The following NCK1 variants were observed in gnomAD, a reference collection of about 807,000 sequenced individuals.
NCK1 encodes SH2/SH3 adapter protein NCK1.
A neutral mutation model predicts 36.6 loss-of-function variants in NCK1; 19 were observed. The observed-to-expected ratio is 0.52, with a 90% CI of 0.36 to 0.76. The LOEUF (loss-of-function observed/expected upper bound fraction) is 0.76. NCK1 is among the 30% of genes least tolerant of loss of function. The pLI, the probability that NCK1 is intolerant of heterozygous loss-of-function variation, is 0.00. For missense variants in NCK1, 358 were observed against 445.6 expected (o/e 0.80, Z 1.77); for synonymous variants, 165 against 156.0 (o/e 1.06, Z -0.43).
chr3:136,921,489 G>A (rs1335810408), intron 1 of NCK1, among the ~76,000 whole-genome samples: 1 of 152,140 alleles, frequency 6.6e-6, no homozygotes, highest in Non-Finnish European at 1.5e-5. Flanking sequence ...GGGCTTGAGT[G>A]GTGTTTATAT....
intron 1 of NCK1, among the ~76,000 whole-genome samples, chr3:136,888,871 TTTTG>T (rs1939148562): frequency 6.6e-6 from 1 of 151,760 alleles, no homozygotes; most frequent in African/African-American, 2.4e-5. Flanking sequence ...TTGTTGTTTG[TTTTG>T]TTTTTTTCTT....
chr3:136,947,061 T>G (rs996181239), intron 3 of NCK1: 1 of 152,180 alleles, frequency 6.6e-6, no homozygotes, highest in Non-Finnish European at 1.5e-5. Flanking sequence ...GTGAGTATAT[T>G]TGTACAAAAG....
chr3:136,902,894 G>A (rs1939581603), intron 1 of NCK1, among the ~76,000 whole-genome samples: 1 of 152,188 alleles, frequency 6.6e-6, no homozygotes, highest in Admixed American at 6.5e-5. Context: ...AAATCAATAT[G>A]CATCCACCTG....
intron 2 of NCK1, among the ~76,000 whole-genome samples, chr3:136,938,609 A>G (rs929213702): frequency 6.6e-6 from 1 of 152,238 alleles, no homozygotes; most frequent in Non-Finnish European, 1.5e-5. Flanking sequence ...CCTAGAGTTC[A>G]TAAACACAAG....
At chr3:136,922,306 C>T (rs533429306) in intron 1 of NCK1, among the ~76,000 whole-genome samples, 1 of 152,216 alleles carries the variant, frequency 6.6e-6, no homozygotes, top group South Asian at 2.1e-4. Context: ...GTTCTCAGGT[C>T]CTTGGGAAGA....
intron 1 of NCK1, among the ~76,000 whole-genome samples, chr3:136,862,862 C>G (rs911494815): frequency 7.6e-6 from 1 of 131,472 alleles, no homozygotes; most frequent in Non-Finnish European, 1.6e-5. Context: ...CCTCTCCCCT[C>G]CCCCCACCCA....
At position 136,874,422 on chromosome 3, in the gene NCK1, C is replaced by A. The variant is rs144592589; in HGVS notation, c.-19+12069C>A. Among the ~76,000 whole-genome samples the A allele has an allele frequency of 9.0e-3, 1,378 of 152,298 alleles. 23 individuals carry two copies. Among genetic ancestry groups the A allele is most frequent in the South Asian group, 0.031 (150 of 4,824 alleles). On this transcript the variant is annotated intron_variant, in intron 1 of 3. Transcript: ENST00000481752. ...CTCGAAGTCCTGACCTCAGGTGACC[C>A]GCCCACCTTGGCCACCCAAAGTGCT...
At chr3:136,882,429 C>CAGA (rs1938966134) in intron 1 of NCK1, among the ~76,000 whole-genome samples, 1 of 152,116 alleles carries the variant, frequency 6.6e-6, no homozygotes, top group Non-Finnish European at 1.5e-5. Flanking sequence ...ACTCATTCTT[C>CAGA]ACACAGCAGC....
Position 136,928,050 on chromosome 3 carries a change from C to T in NCK1, c.49C>T (p.Gln17Ter). The part of the protein sequence containing the change: ...VVAKFDYVAQ[Q>*]EQELDIKKNE... ...AGCCAAATTTGATTATGTGGCCCAACAAGAACAAGAGTTGGACATCAAGAA... is the reference window on the plus strand; with the variant it reads ...AGCCAAATTTGATTATGTGGCCCAATAAGAACAAGAGTTGGACATCAAGAA... The change falls in exon 2 of 4, where the codon CAA (glutamine) becomes TAA (stop). Residue 17 changes from glutamine (Q) to a stop codon, truncating the protein, a stop_gained. Transcript: ENST00000481752. LOFTEE classifies it high-confidence loss of function. 6.2e-7 allele frequency: 1 copy of T among 1,614,078 alleles called. No homozygotes were observed. Among genetic ancestry groups the T allele is most frequent in the Non-Finnish European group, 8.5e-7 (1 of 1,180,006 alleles).
chr3:136,903,329 C>G (rs1181333160), intron 1 of NCK1, among the ~76,000 whole-genome samples: 1 of 152,136 alleles, frequency 6.6e-6, no homozygotes, highest in Non-Finnish European at 1.5e-5. Flanking sequence ...TAATTTCAGC[C>G]TATATGTCTT....
chr3:136,867,979 A>G lies in NCK1; in HGVS notation c.-19+5626A>G, dbSNP rs373869136. On this transcript the variant is annotated intron_variant, in intron 1 of 3. Coordinates refer to ENST00000481752, the MANE Select transcript of NCK1 (RefSeq NM_001291999.2). ...TTTGCCCTGGCTGGAGTGCAGCAGC[A>G]TGATCTCGGCTCACTGCAACCTCCG... Among the ~76,000 whole-genome samples the G allele has an allele frequency of 1.6e-4, 24 of 151,960 alleles. No individual in the cohort carries two copies. In the South Asian group the frequency reaches 5.0e-3, roughly 32 times the overall value.
At position 136,946,239 on chromosome 3, in the gene NCK1, G is replaced by T. The variant is rs774578403; in HGVS notation, c.883G>T (p.Ala295Ser). Residue 295 changes from alanine (A) to serine (S), a missense_variant, in exon 3 of 4, where the codon GCA (alanine) becomes TCA (serine). Physicochemically the swap from Ala to Ser is moderately conservative, Grantham distance 99 (BLOSUM62 1). Coordinates refer to ENST00000481752, the MANE Select transcript of NCK1 (RefSeq NM_001291999.2). Reference protein sequence around the residue: ...GKVTRHQAEMALNERGHEGDF... With the variant: ...GKVTRHQAEMSLNERGHEGDF... ...AGTCACCAGGCATCAAGCAGAAATG[G>T]CATTAAATGAAAGAGGACATGAAGG... 1.2e-6 allele frequency: 2 copies of T among 1,613,214 alleles called. No individual in the cohort carries two copies. Among genetic ancestry groups the T allele is most frequent in the Non-Finnish European group, 1.7e-6 (2 of 1,179,854 alleles).
Position 136,946,208 on chromosome 3 carries a change from T to G in NCK1, c.852T>G (p.Tyr284Ter). Residue 284 changes from tyrosine to a stop codon, truncating the protein, a stop_gained, in exon 3 of 4, where the codon TAT (tyrosine) becomes TAG (stop). Transcript: ENST00000481752. LOFTEE classifies it high-confidence loss of function. ...AGTTTGCTGGCAATCCTTGGTATTA[T>G]GGCAAAGTCACCAGGCATCAAGCAG... is the stretch of plus-strand genomic sequence containing the variant. Reference protein sequence around the residue: ...TGKFAGNPWYYGKVTRHQAEM... With the variant: ...TGKFAGNPWY The G allele has an allele frequency of 6.2e-7, 1 of 1,613,592 alleles. No homozygotes were observed. Among genetic ancestry groups the G allele is most frequent in the Non-Finnish European group, 8.5e-7 (1 of 1,179,908 alleles).
chr3:136,926,815 G>A (rs1226318163), intron 1 of NCK1, among the ~76,000 whole-genome samples: 2 of 152,086 alleles, frequency 1.3e-5, no homozygotes, highest in African/African-American at 2.4e-5. Flanking sequence ...TATCAGTTAC[G>A]TGAACATTGA....
intron 1 of NCK1, among the ~76,000 whole-genome samples, chr3:136,893,919 C>G (rs6784005): frequency 0.68 from 103,744 of 152,114 alleles, 35,685 homozygotes; most frequent in East Asian, 0.87. Flanking sequence ...TAAGTTGCTT[C>G]TGTCCTTTCG....
rs1938676454 is a variant in NCK1 at position 136,873,186 on chromosome 3, A to C, written c.-19+10833A>C. On this transcript the variant is annotated intron_variant, in intron 1 of 3. Coordinates refer to ENST00000481752, the MANE Select transcript of NCK1 (RefSeq NM_001291999.2). ...TGAAAGCAGCCAGGAGAGAGGCTGTACTCTGCAAAACCACAGAGTCAGAGG... is the reference window on the plus strand; with the variant it reads ...TGAAAGCAGCCAGGAGAGAGGCTGTCCTCTGCAAAACCACAGAGTCAGAGG... 2.6e-5 allele frequency among the ~76,000 whole-genome samples: 4 copies of C among 152,160 alleles called. No individual in the cohort carries two copies. In the South Asian group the frequency reaches 8.3e-4, roughly 31 times the overall value.
intron 2 of NCK1, 65 bp downstream of exon 2, chr3:136,928,292 A>G: frequency 2.8e-6 from 4 of 1,431,046 alleles, no homozygotes; most frequent in Non-Finnish European, 3.8e-6. Context: ...AGTTCTTTGT[A>G]CATAATTCTG....
chr3:136,937,292 A>G (rs971458540), intron 2 of NCK1, among the ~76,000 whole-genome samples: 2 of 152,196 alleles, frequency 1.3e-5, no homozygotes, highest in African/African-American at 4.8e-5. Flanking sequence ...GGTTTATTTT[A>G]GGACTCTCGA....
chr3:136,930,429 T>C lies in NCK1; in HGVS notation c.226+2202T>C, dbSNP rs984232420. ...GAGAAGCCTCAGAAAAATTTTCTAT[T>C]GCCTGGGTGTGGGCCAGGTCACATG... On this transcript the variant is annotated intron_variant, in intron 2 of 3. Transcript: ENST00000481752. The C allele has an allele frequency of 9.7e-6, 12 of 1,231,260 alleles. No homozygotes were observed. The African/African-American group carries it at 1.9e-4, about 19-fold the overall frequency. The allele number at this position is 1,231,260 out of a possible 1,614,324, so 76.3% of individuals were successfully genotyped here.
Sources: gnomAD v4.1 joint callset for allele counts (sites outside exome capture counted in the v4.1 genomes callset) on GRCh38, gnomAD v4.1.1 for gene constraint, MANE v1.5 for transcripts, NCBI Gene and HGNC (gene_info 2026-07-23, HGNC 2026-07-21) for gene names.